Variants in ANKLE2 observed in about 807,000 individuals in gnomAD.
ANKLE2 encodes ankyrin repeat and LEM domain-containing protein 2.
ANKLE2 carries 55 observed loss-of-function variants against 84.2 expected under a neutral mutation model. That is an observed-to-expected ratio of 0.65 (90% CI 0.53 to 0.82). The LOEUF is 0.82. ANKLE2 is among the 40% of genes least tolerant of loss of function. The pLI is 0.00. For synonymous variants in ANKLE2, 551 were observed against 486.1 expected (o/e 1.13, Z -1.76); for missense variants, 1,238 against 1,201.9 (o/e 1.03, Z -0.44).
intron 6 of ANKLE2, chr12:132,742,037 G>A (rs1404385325): frequency 1.9e-5 from 6 of 320,220 alleles, no homozygotes; most frequent in Non-Finnish European, 3.1e-5. Context: ...AAAGGAACCA[G>A]CCTATGAGAG....
chr12:132,730,162 C>G lies in ANKLE2; in HGVS notation c.2000G>C (p.Gly667Ala). ...AARNNSPPTV[G>A]AFGHTRCSAF... ...GCTGCACCTCGTATGTCCAAAAGCA[C>G]CGACTGTGGGCGGGCTGTTATTTCG... The change falls in exon 11 of 13, where the codon GGT becomes GCT. Residue 667 changes from glycine (G) to alanine (A), a missense_variant. Transcript: ENST00000357997. The G allele has an allele frequency of 6.2e-7, 1 of 1,610,924 alleles. No individual in the cohort carries two copies. Among genetic ancestry groups the G allele is most frequent in the African/African-American group, 1.3e-5 (1 of 75,004 alleles).
intron 1 of ANKLE2, chr12:132,757,523 C>G (rs2044511869): frequency 6.6e-6 from 1 of 152,248 alleles, no homozygotes; most frequent in South Asian, 2.1e-4. Flanking sequence ...TCTACAAAAA[C>G]TTTAAAAATT....
chr12:132,748,617 T>G (rs991408430), intron 3 of ANKLE2, among the ~76,000 whole-genome samples: 1 of 152,122 alleles, frequency 6.6e-6, no homozygotes, highest in African/African-American at 2.4e-5. Flanking sequence ...CGCGCCCCCA[T>G]GAGCACAGCA....
intron 10 of ANKLE2, chr12:132,731,587 A>G (rs938946447): frequency 1.3e-5 from 2 of 152,090 alleles, no homozygotes; most frequent in Non-Finnish European, 2.9e-5. Context: ...AGCAGATTCG[A>G]ATCTCTAGTT....
intron 7 of ANKLE2, 157 bp from the exon 8 acceptor site, chr12:132,737,222 T>G: frequency 1.6e-6 from 1 of 636,846 alleles, no homozygotes; most frequent in Non-Finnish European, 2.6e-6. Flanking sequence ...CTCACTGCAC[T>G]TAATGCAAAT....
Position 132,727,262 on chromosome 12 carries a change from C to A in ANKLE2, c.2797G>T (p.Ala933Ser). ...GSQLRRMARLAELAAL is the reference protein window; with the variant it reads ...GSQLRRMARLSELAAL ...CAAGCCTACAGGGCGGCAAGCTCAG[C>A]CAGGCGCGCCATCCTGCGGAGCTGG... Residue 933 changes from alanine to serine, a missense_variant, in exon 13 of 13, where the codon GCT becomes TCT. Physicochemically the swap from Ala to Ser is moderately conservative, Grantham distance 99. Coordinates refer to ENST00000357997, the MANE Select transcript of ANKLE2 (RefSeq NM_015114.3). 1 of 1,560,376 alleles carries A rather than the reference C, an allele frequency of 6.4e-7. No individual in the cohort carries two copies. The highest frequency in any genetic ancestry group is 1.4e-5 in the African/African-American group (1 of 73,664).
At chr12:132,750,150 AG>A (rs1214909166) in intron 3 of ANKLE2, among the ~76,000 whole-genome samples, 3 of 145,522 alleles carry the variant, frequency 2.1e-5, no homozygotes, top group Non-Finnish European at 4.5e-5. Context: ...GCTTGCAGTG[AG>A]CCAAGATCGC....
At chr12:132,759,798 C>T (rs75348182) in intron 1 of ANKLE2, 22,114 of 152,052 alleles carry the variant, frequency 0.15, 2,037 homozygotes, top group Non-Finnish European at 0.21. Context: ...CTATCATCCC[C>T]ATTCCTAAAA....
At chr12:132,740,097 G>A (rs2044090795) in intron 7 of ANKLE2, among the ~76,000 whole-genome samples, 1 of 152,200 alleles carries the variant, frequency 6.6e-6, no homozygotes, top group Non-Finnish European at 1.5e-5. Flanking sequence ...TGAAAATCCG[G>A]AGCAGACTCT....
intron 9 of ANKLE2, chr12:132,734,777 G>A (rs527380790): frequency 4.0e-5 from 23 of 570,090 alleles, no homozygotes; most frequent in Non-Finnish European, 6.3e-5. Context: ...AGCAGGACCC[G>A]GCACAGCTCT....
At chr12:132,761,432 A>C (rs2044622967) in intron 1 of ANKLE2, 186 bp downstream of exon 1, 5 of 439,074 alleles carry the variant, frequency 1.1e-5, no homozygotes, top group Non-Finnish European at 1.8e-5. Flanking sequence ...CGGCCCGGGA[A>C]GCCAAGTCCC....
chr12:132,757,822 C>CA (rs59631920), intron 1 of ANKLE2: 8,543 of 141,458 alleles, frequency 0.06, 766 homozygotes, highest in African/African-American at 0.21. Context: ...GACTCCGTCT[C>CA]AAAAAAAAAA....
At chr12:132,740,116 C>T (rs1435086391) in intron 7 of ANKLE2, among the ~76,000 whole-genome samples, 3 of 152,220 alleles carry the variant, frequency 2.0e-5, no homozygotes, top group African/African-American at 7.2e-5. Flanking sequence ...CTCGGCTCTT[C>T]AGGGATGTTC....
chr12:132,745,365 G>T, intron 5 of ANKLE2: 1 of 165,320 alleles, frequency 6.0e-6, no homozygotes, highest in South Asian at 1.7e-4. Context: ...AGCCAAGGAG[G>T]GGGACTGTGG....
At chr12:132,761,322 C>G (rs879196924) in intron 1 of ANKLE2, 1 of 267,454 alleles carries the variant, frequency 3.7e-6, no homozygotes, top group African/African-American at 2.2e-5. Context: ...CAGCAAGAGT[C>G]TCCGCTAACG....
chr12:132,736,288 A>G (rs1026452786), intron 8 of ANKLE2, among the ~76,000 whole-genome samples: 6 of 152,236 alleles, frequency 3.9e-5, no homozygotes, highest in African/African-American at 1.4e-4. Flanking sequence ...GAAAGTTTCT[A>G]GCACAGGATG....
intron 1 of ANKLE2, chr12:132,760,558 G>C (rs965017263): frequency 1.3e-5 from 2 of 152,222 alleles, no homozygotes; most frequent in African/African-American, 4.8e-5. Flanking sequence ...GCGGTAATTT[G>C]CTAGAGTGGC....
rs768358739 is a variant in ANKLE2 at position 132,734,387 on chromosome 12, G to T, written c.1889C>A (p.Ser630Tyr). 1.2e-6 allele frequency: 2 copies of T among 1,614,002 alleles called. No homozygotes were observed. Among genetic ancestry groups the T allele is most frequent in the Non-Finnish European group, 1.7e-6 (2 of 1,179,954 alleles). ...CAGCCACGCCTGCACATGCTTACCA[G>T]ACGTGGTGGCTTTATCTCGGCAGGA... is the stretch of plus-strand genomic sequence containing the variant. ...EASCRDKATT[S>Y]GSNSISVRAF... is the part of the protein sequence containing the mutation. Residue 630 changes from serine (S) to tyrosine (Y), a missense_variant and splice_region_variant, in exon 10 of 13, where the codon TCT becomes TAT. By Grantham distance (144) the Ser-to-Tyr change is moderately radical. Coordinates refer to ENST00000357997, the MANE Select transcript of ANKLE2 (RefSeq NM_015114.3).
At chr12:132,755,222 G>T in intron 1 of ANKLE2, 89 bp from the exon 2 acceptor site, 1 of 1,225,646 alleles carries the variant, frequency 8.2e-7, no homozygotes, top group Non-Finnish European at 1.1e-6. Flanking sequence ...TTATATAATG[G>T]CATCAGTTTC....
Sources: gnomAD v4.1 joint callset for allele counts (sites outside exome capture counted in the v4.1 genomes callset) on GRCh38, gnomAD v4.1.1 for gene constraint, MANE v1.5 for transcripts, NCBI Gene and HGNC (gene_info 2026-07-23, HGNC 2026-07-21) for gene names.